ZRANB3: variants seen among roughly 807,000 people sequenced by gnomAD.
ZRANB3 encodes the protein zinc finger RANBP2-type containing 3.
ZRANB3 carries 125 observed loss-of-function variants against 133.8 expected under a neutral mutation model. That is an observed-to-expected ratio of 0.93 (90% CI 0.81 to 1.08). The LOEUF (loss-of-function observed/expected upper bound fraction) is 1.08. Among genes scored for constraint, ZRANB3 ranks in the 50% least tolerant of loss-of-function variants. The pLI is 0.00. For synonymous variants in ZRANB3, 387 were observed against 432.7 expected (o/e 0.89, Z 1.31); for missense variants, 1,229 against 1,275.5 (o/e 0.96, Z 0.56).
intron 12 of ZRANB3, among the ~76,000 whole-genome samples, chr2:135,234,852 G>C (rs905193655): frequency 7.9e-5 from 12 of 152,064 alleles, no homozygotes; most frequent in African/African-American, 2.9e-4. Context: ...ATCTAAAATT[G>C]ACACCCTAAC....
intron 2 of ZRANB3, among the ~76,000 whole-genome samples, chr2:135,479,269 C>T (rs1474976006): frequency 6.6e-6 from 1 of 152,154 alleles, no homozygotes; most frequent in African/African-American, 2.4e-5. Context: ...TAGAAGGGTA[C>T]TTTCAGATAA....
chr2:135,315,658 A>G (rs1353437867), intron 6 of ZRANB3, 128 bp from the exon 7 acceptor site: 15 of 711,218 alleles, frequency 2.1e-5, no homozygotes, highest in Non-Finnish European at 3.1e-5. Context: ...TTCTGAATGA[A>G]TATTAGTTTC....
intron 2 of ZRANB3, among the ~76,000 whole-genome samples, chr2:135,428,426 CAAAAAAAAAAA>C (rs34645774): frequency 6.6e-5 from 5 of 75,242 alleles, no homozygotes; most frequent in African/African-American, 1.8e-4. Context: ...ACTTTGTTTC[CAAAAAAAAAAA>C]AAAAAAAAAA....
chr2:135,528,230 C>T (rs1485060381), intron 1 of ZRANB3, among the ~76,000 whole-genome samples: 5 of 151,746 alleles, frequency 3.3e-5, no homozygotes, highest in Admixed American at 2.6e-4. Context: ...CTCATTGCAG[C>T]TTTGACCTCC....
Position 135,318,212 on chromosome 2 carries a change from TTGTGTGTGTGTGTG to T in ZRANB3, c.678-2696_678-2683del, listed in dbSNP as rs58455313. Among the ~76,000 whole-genome samples, 552 of 136,970 alleles carry T rather than the reference TTGTGTGTGTGTGTG, an allele frequency of 4.0e-3. 2 individuals are homozygous for T. Among genetic ancestry groups the T allele is most frequent in the Admixed American group, 5.7e-3 (77 of 13,598 alleles). 89.9% of individuals were successfully genotyped at this position (136,970 alleles called of 152,430 possible). ...TTTCCTATGCTATTTACACACTATT[TTGTGTGTGTGTGTG>T]TGTGTGTGTGTGTGTGTGTGTGTGT... is the stretch of plus-strand genomic sequence containing the variant. On this transcript the variant is annotated intron_variant, in intron 6 of 20. Transcript: ENST00000264159.
chr2:135,309,510 C>A (rs1344589734), intron 8 of ZRANB3, among the ~76,000 whole-genome samples: 1 of 152,104 alleles, frequency 6.6e-6, no homozygotes. Flanking sequence ...CAAAAATCCA[C>A]AAGAACTAAT....
intron 12 of ZRANB3, among the ~76,000 whole-genome samples, chr2:135,233,626 G>C (rs1198806366): frequency 6.6e-6 from 1 of 152,040 alleles, no homozygotes; most frequent in Non-Finnish European, 1.5e-5. Flanking sequence ...AGAAGACAGT[G>C]GGGGCCAATA....
chr2:135,384,648 A>G (rs562460486), intron 3 of ZRANB3, among the ~76,000 whole-genome samples: 1 of 152,198 alleles, frequency 6.6e-6, no homozygotes, highest in Non-Finnish European at 1.5e-5. Flanking sequence ...ATCCACCATG[A>G]TCAAGTCGGC....
chr2:135,362,155 G>A (rs558461191), intron 3 of ZRANB3, among the ~76,000 whole-genome samples: 142 of 148,646 alleles, frequency 9.6e-4, no homozygotes, highest in African/African-American at 3.4e-3. Context: ...CTGAGATCGC[G>A]CCACTGCACT....
At chr2:135,317,481 A>G (rs1683317953) in intron 6 of ZRANB3, among the ~76,000 whole-genome samples, 1 of 152,224 alleles carries the variant, frequency 6.6e-6, no homozygotes, top group Admixed American at 6.5e-5. Context: ...TACATGAGAC[A>G]TTGTACAGGT....
chr2:135,262,155 T>C (rs1367163058), intron 12 of ZRANB3, among the ~76,000 whole-genome samples: 2 of 87,712 alleles, frequency 2.3e-5, no homozygotes, highest in African/African-American at 5.7e-5. Flanking sequence ...TGAGACTCCA[T>C]CTCCAAAAAA....
rs1435085510 is a variant in ZRANB3, at chr2:135,231,130, TCTAA to T, written c.1540-207_1540-204del. On this transcript the variant is annotated intron_variant, in intron 12 of 20. Transcript: ENST00000264159. ...AAAACATATCCATGTACTTCCTGTG[TCTAA>T]CTTTTTTCTCAGCACTTATTGTGTG... Among the ~76,000 whole-genome samples the T allele has an allele frequency of 4.6e-5, 7 of 152,112 alleles. No homozygotes were observed. In the South Asian group the frequency reaches 1.0e-3, roughly 23 times the overall value.
intron 6 of ZRANB3, among the ~76,000 whole-genome samples, chr2:135,330,981 T>C (rs980794351): frequency 2.0e-5 from 3 of 152,188 alleles, no homozygotes; most frequent in African/African-American, 4.8e-5. Flanking sequence ...ATTTTGTTGA[T>C]CTTTTCAAAA....
chr2:135,292,740 A>T (rs1400429268), intron 8 of ZRANB3, among the ~76,000 whole-genome samples: 3 of 152,210 alleles, frequency 2.0e-5, no homozygotes, highest in Admixed American at 6.5e-5. Context: ...CTAACATTTA[A>T]GTCTTTAATC....
chr2:135,296,371 G>A (rs1401469538), intron 8 of ZRANB3, among the ~76,000 whole-genome samples: 3 of 151,982 alleles, frequency 2.0e-5, no homozygotes, highest in African/African-American at 4.8e-5. Flanking sequence ...TGATCGCATC[G>A]GCTACTGAGG....
At chr2:135,393,674 C>T (rs1438031150) in intron 2 of ZRANB3, among the ~76,000 whole-genome samples, 1 of 152,034 alleles carries the variant, frequency 6.6e-6, no homozygotes, top group East Asian at 1.9e-4. Context: ...AGACAAATAT[C>T]TATTATACCC....
chr2:135,487,296 T>A (rs1021994727), intron 2 of ZRANB3, among the ~76,000 whole-genome samples: 1 of 152,218 alleles, frequency 6.6e-6, no homozygotes, highest in Non-Finnish European at 1.5e-5. Flanking sequence ...ATTCTACTTA[T>A]AGAACACAGG....
chr2:135,366,731 T>C (rs983432612), intron 3 of ZRANB3, among the ~76,000 whole-genome samples: 8 of 152,096 alleles, frequency 5.3e-5, no homozygotes, highest in African/African-American at 1.4e-4. Context: ...TAAAAATTAA[T>C]TTTTAGGCCG....
chr2:135,501,611 C>T (rs76509105), intron 2 of ZRANB3, among the ~76,000 whole-genome samples: 1,595 of 152,252 alleles, frequency 0.01, 25 homozygotes, highest in African/African-American at 0.036. Flanking sequence ...AATCAAGGCT[C>T]GTGCATTACT....
Sources: gnomAD v4.1 joint callset for allele counts (sites outside exome capture counted in the v4.1 genomes callset) on GRCh38, gnomAD v4.1.1 for gene constraint, MANE v1.5 for transcripts, NCBI Gene and HGNC (gene_info 2026-07-23, HGNC 2026-07-21) for gene names.